Variants in UNC5D observed in about 807,000 individuals in gnomAD.
UNC5D encodes the protein unc-5 netrin receptor D, also known as netrin receptor UNC5D.
Under a neutral mutation model 105.4 loss-of-function variants are expected in UNC5D, and 39 were observed. The observed-to-expected ratio is 0.37, with a 90% CI of 0.29 to 0.48. The LOEUF is 0.48. Among genes scored for constraint, UNC5D ranks in the 20% least tolerant of loss-of-function variants. The pLI is 0.98. For synonymous variants in UNC5D, 452 were observed against 450.4 expected (o/e 1.00, Z -0.04); for missense variants, 991 against 1,202.4 (o/e 0.82, Z 2.60).
intron 1 of UNC5D, among the ~76,000 whole-genome samples, chr8:35,392,187 A>G (rs1013128675): frequency 6.6e-6 from 1 of 152,122 alleles, no homozygotes; most frequent in African/African-American, 2.4e-5. Flanking sequence ...GAGGTTGCCC[A>G]TGTTCCTTGA....
At position 35,471,679 on chromosome 8, in the gene UNC5D, A is replaced by C. The variant is rs184568972; in HGVS notation, c.104-77613A>C. 3.4e-4 allele frequency among the ~76,000 whole-genome samples: 52 copies of C among 152,260 alleles called. No individual in the cohort carries two copies. In the East Asian group the frequency reaches 9.7e-3, roughly 28 times the overall value. On this transcript the variant is annotated intron_variant, in intron 1 of 16. Transcript: ENST00000404895. ...TTTTTCCTCCTTCATGGTTAAGAAAAATAATATTCTAAGATCTAGCAAAGC... is the reference window on the plus strand; with the variant it reads ...TTTTTCCTCCTTCATGGTTAAGAAACATAATATTCTAAGATCTAGCAAAGC...
chr8:35,417,035 C>A (rs1805576252), intron 1 of UNC5D, among the ~76,000 whole-genome samples: 1 of 152,146 alleles, frequency 6.6e-6, no homozygotes, highest in Non-Finnish European at 1.5e-5. Context: ...TTAATCACAT[C>A]ATGGAGAATG....
At chr8:35,619,765 C>T (rs1334876137) in intron 4 of UNC5D, among the ~76,000 whole-genome samples, 1 of 152,204 alleles carries the variant, frequency 6.6e-6, no homozygotes, top group Non-Finnish European at 1.5e-5. Flanking sequence ...GAAGACACCT[C>T]CTTTTAGAAT....
chr8:35,522,645 T>C (rs1020805962), intron 1 of UNC5D, among the ~76,000 whole-genome samples: 12 of 152,232 alleles, frequency 7.9e-5, no homozygotes, highest in African/African-American at 2.9e-4. Flanking sequence ...TCTAGAACAC[T>C]AACCTCAATT....
chr8:35,727,876 G>GGGT (rs1434950222), intron 10 of UNC5D: 1 of 151,578 alleles, frequency 6.6e-6, no homozygotes, highest in African/African-American at 2.4e-5. Flanking sequence ...TCATAAACTA[G>GGGT]ACATGTGAGT....
intron 1 of UNC5D, among the ~76,000 whole-genome samples, chr8:35,511,671 T>C (rs1007061050): frequency 1.3e-5 from 2 of 151,232 alleles, no homozygotes; most frequent in Admixed American, 6.6e-5. Context: ...TGGGCCACAT[T>C]GAAAGAAGAA....
rs1585690960 is a variant in UNC5D at position 35,372,040 on chromosome 8, C to A, written c.103+136153C>A. 2.6e-5 allele frequency among the ~76,000 whole-genome samples: 4 copies of A among 152,260 alleles called. No homozygotes were observed. In the East Asian group the frequency reaches 7.8e-4, roughly 30 times the overall value. ...GCGTCTAGCTACTCCCTGTACTTTT[C>A]CCCCTCACCCTGACCATTTGATAAT... On this transcript the variant is annotated intron_variant, in intron 1 of 16. Coordinates refer to ENST00000404895, the MANE Select transcript of UNC5D (RefSeq NM_080872.4).
At chr8:35,788,482 T>C (rs557217894) in intron 16 of UNC5D, among the ~76,000 whole-genome samples, 2 of 152,180 alleles carry the variant, frequency 1.3e-5, no homozygotes, top group African/African-American at 2.4e-5. Context: ...GTCTTCGTCA[T>C]AGAAAAGTTA....
At chr8:35,481,847 G>GT (rs1176462136) in intron 1 of UNC5D, among the ~76,000 whole-genome samples, 1 of 151,962 alleles carries the variant, frequency 6.6e-6, no homozygotes, top group Non-Finnish European at 1.5e-5. Flanking sequence ...CACTGGGTGG[G>GT]TTTTTTGTTT....
chr8:35,625,111 G>A (rs1478047675), intron 4 of UNC5D, among the ~76,000 whole-genome samples: 1 of 152,130 alleles, frequency 6.6e-6, no homozygotes, highest in Admixed American at 6.6e-5. Context: ...AGCCCTGACA[G>A]GGCATTCCGT....
intron 1 of UNC5D, among the ~76,000 whole-genome samples, chr8:35,318,658 C>G (rs926422438): frequency 1.1e-4 from 16 of 152,048 alleles, no homozygotes; most frequent in African/African-American, 3.1e-4. Flanking sequence ...CTGCTGAGAA[C>G]TATAGATAGA....
intron 1 of UNC5D, among the ~76,000 whole-genome samples, chr8:35,497,713 C>T (rs1338637576): frequency 1.3e-5 from 2 of 150,600 alleles, no homozygotes; most frequent in Non-Finnish European, 2.9e-5. Context: ...GAACTCACAA[C>T]ATTTTAATGG....
chr8:35,296,577 G>A (rs1807504506), intron 1 of UNC5D, among the ~76,000 whole-genome samples: 2 of 152,130 alleles, frequency 1.3e-5, no homozygotes, highest in South Asian at 4.1e-4. Context: ...CCATCCCCAT[G>A]ACCAGCTAAT....
In UNC5D at chr8:35,635,161, A is replaced by G. The variant is rs568299552; in HGVS notation, c.570+39504A>G. Among the ~76,000 whole-genome samples, 23 of 152,184 alleles carry G rather than the reference A, an allele frequency of 1.5e-4. No individual in the cohort carries two copies. The East Asian group carries it at 4.3e-3, about 28-fold the overall frequency. Reference sequence around the variant, plus strand: ...TCTATCCTTCAGCACCGTAATATACATCGTGTTTTGGGGAGACTGTATCCC... The same window carrying G: ...TCTATCCTTCAGCACCGTAATATACGTCGTGTTTTGGGGAGACTGTATCCC... On this transcript the variant is annotated intron_variant, in intron 4 of 16. Transcript: ENST00000404895.
chr8:35,743,890 A>G (rs867623535), intron 11 of UNC5D, among the ~76,000 whole-genome samples: 1 of 152,214 alleles, frequency 6.6e-6, no homozygotes, highest in African/African-American at 2.4e-5. Context: ...ACATAGCACA[A>G]TTAACAAAAT....
intron 4 of UNC5D, among the ~76,000 whole-genome samples, chr8:35,627,915 A>G (rs1821788421): frequency 6.6e-6 from 1 of 152,152 alleles, no homozygotes; most frequent in Non-Finnish European, 1.5e-5. Context: ...TGACAGAGCG[A>G]GACTGTCTCA....
chr8:35,404,646 G>A (rs1453176773), intron 1 of UNC5D, among the ~76,000 whole-genome samples: 1 of 152,022 alleles, frequency 6.6e-6, no homozygotes, highest in African/African-American at 2.4e-5. Context: ...GGAGTGCAGT[G>A]GTGCAATCTC....
chr8:35,611,971 G>A (rs891936150), intron 4 of UNC5D, among the ~76,000 whole-genome samples: 4 of 152,132 alleles, frequency 2.6e-5, no homozygotes, highest in African/African-American at 9.7e-5. Context: ...AATGGTTATC[G>A]CTGTTAATAC....
chr8:35,253,473 CTTTT>C (rs58063448), intron 1 of UNC5D, among the ~76,000 whole-genome samples: 6 of 99,848 alleles, frequency 6.0e-5, no homozygotes, highest in Admixed American at 1.3e-4. Context: ...ATTTTATTTC[CTTTT>C]TTTTTTTTTT....
Sources: gnomAD v4.1 joint callset for allele counts (sites outside exome capture counted in the v4.1 genomes callset) on GRCh38, gnomAD v4.1.1 for gene constraint, MANE v1.5 for transcripts, NCBI Gene and HGNC (gene_info 2026-07-23, HGNC 2026-07-21) for gene names.